The following ADAT2 variants were observed in gnomAD, a reference collection of about 807,000 sequenced individuals.
ADAT2 encodes the protein tRNA-specific adenosine-34 deaminase catalytic subunit ADAT2.
A neutral mutation model predicts 25.9 loss-of-function variants in ADAT2; 26 were observed. The ratio of observed to expected loss-of-function variants is 1.00; its 90% CI spans 0.74 to 1.39. The LOEUF is 1.39. Ranked by LOEUF, ADAT2 falls within the 40% of genes most tolerant of loss-of-function variation. ADAT2 has a pLI of 0.00. For missense variants in ADAT2, 220 were observed against 244.8 expected (o/e 0.90, Z 0.68); for synonymous variants, 76 against 86.8 (o/e 0.88, Z 0.69).
chr6:143,439,309 C>T (rs1779386917), intron 1 of ADAT2, among the ~76,000 whole-genome samples: 1 of 141,242 alleles, frequency 7.1e-6, no homozygotes, highest in Non-Finnish European at 1.5e-5. Context: ...AACAAAATTC[C>T]ACTCCTAAGT....
intron 2 of ADAT2, among the ~76,000 whole-genome samples, chr6:143,435,038 G>A (rs1779227824): frequency 6.6e-6 from 1 of 151,842 alleles, no homozygotes; most frequent in East Asian, 1.9e-4. Context: ...GAGGCAGATG[G>A]GAGCAGAGCT....
Position 143,426,884 on chromosome 6 carries a change from A to G in ADAT2, c.*1579T>C, listed in dbSNP as rs1413141896. On this transcript the variant is annotated 3_prime_UTR_variant, in exon 6 of 6. Transcript: ENST00000237283. The surrounding 1 kb of genome is among the most constrained non-coding windows in gnomAD (Gnocchi z 4.1). ...TACAAATAATCCCCAAGAAAATGAT[A>G]TGAACACAATAAATGCAATGAAATC... The G allele has an allele frequency of 6.6e-6, 1 of 152,230 alleles. No homozygotes were observed. 9.4% of individuals were successfully genotyped at this position (152,230 alleles called of 1,614,324 possible). A position where few individuals can be genotyped will look rare whatever the true frequency, so the allele number is the denominator to read the frequency against.
chr6:143,430,550 A>G (rs1459912530), intron 4 of ADAT2, among the ~76,000 whole-genome samples: 1 of 150,270 alleles, frequency 6.7e-6, no homozygotes. Flanking sequence ...GGTGTTAATA[A>G]AAAGCAAACA....
intron 3 of ADAT2, 48 bp downstream of exon 3, chr6:143,433,783 T>C (rs111372128): frequency 3.2e-6 from 5 of 1,552,144 alleles, no homozygotes; most frequent in African/African-American, 2.7e-5. Context: ...GCCACTCTCT[T>C]GTTCACACGA....
chr6:143,438,551 C>T (rs1241915025), intron 2 of ADAT2, 39 bp downstream of exon 2: 2 of 1,495,676 alleles, frequency 1.3e-6, no homozygotes, highest in Non-Finnish European at 9.3e-7. Flanking sequence ...CCACCCATCA[C>T]TACTGTATGT....
In ADAT2 at chr6:143,448,239, C is replaced by T. The variant is rs1000174634; in HGVS notation, c.96+2324G>A. Among the ~76,000 whole-genome samples the T allele has an allele frequency of 6.0e-4, 91 of 150,592 alleles. 3 individuals carry two copies. The highest frequency in any genetic ancestry group is 2.0e-4 in the East Asian group (1 of 5,088). On this transcript the variant is annotated intron_variant, in intron 1 of 5. Coordinates refer to ENST00000237283, the MANE Select transcript of ADAT2 (RefSeq NM_182503.3). ...ACACAGGGTGGGGAACATCACACAC[C>T]GGGGCCTGTCATGGGGTTGGGGGGA...
At position 143,441,699 on chromosome 6, in the gene ADAT2, G is replaced by A. The variant is rs541729303; in HGVS notation, c.97-3005C>T. ...AATACCAGGGATTCAATTTCAACAT[G>A]AAATTTGGAGGCGACAAATATCCAA... On this transcript the variant is annotated intron_variant, in intron 1 of 5. Transcript: ENST00000237283. 6 of 152,282 alleles carry A rather than the reference G, an allele frequency of 3.9e-5. No homozygotes were observed. In the South Asian group the frequency reaches 1.0e-3, roughly 26 times the overall value. 9.4% of individuals were successfully genotyped at this position (152,282 alleles called of 1,614,324 possible). A position where few individuals can be genotyped will look rare whatever the true frequency, so the allele number is the denominator to read the frequency against.
rs2128741668 is a variant in ADAT2 at position 143,437,912 on chromosome 6, T to C, written c.201+678A>G. ...CCCAAGTATACTTATCATGACACACTATTGTGATACCATGTTTAAGAAGCA... is the reference window on the plus strand; with the variant it reads ...CCCAAGTATACTTATCATGACACACCATTGTGATACCATGTTTAAGAAGCA... On this transcript the variant is annotated intron_variant, in intron 2 of 5. Transcript: ENST00000237283. The surrounding 1 kb of genome is among the most constrained non-coding windows in gnomAD (Gnocchi z 4.1). 1.3e-5 allele frequency among the ~76,000 whole-genome samples: 2 copies of C among 152,338 alleles called. No homozygotes were observed. The highest frequency in any genetic ancestry group is 4.1e-4 in the South Asian group (2 of 4,832).
rs1583980682 is a variant in ADAT2, at chr6:143,436,964, T to A, written c.201+1626A>T. On this transcript the variant is annotated intron_variant, in intron 2 of 5. Transcript: ENST00000237283. This position sits in a 1 kb window ranked among gnomAD's most constrained non-coding sequence, Gnocchi z 4.1. ...ATTAAAAAGTTGTCTTTTTCAAGAA[T>A]TCAAAGGACAAAGAATTTTGTGAAA... Among the ~76,000 whole-genome samples the A allele has an allele frequency of 1.3e-5, 2 of 152,334 alleles. No individual in the cohort carries two copies. Among genetic ancestry groups the A allele is most frequent in the South Asian group, 4.1e-4 (2 of 4,830 alleles).
intron 2 of ADAT2, 50 bp downstream of exon 2, chr6:143,438,540 T>A (rs1478808613): frequency 1.4e-6 from 2 of 1,428,200 alleles, no homozygotes; most frequent in Non-Finnish European, 2.0e-6. Context: ...TTCTCTCCAG[T>A]CCACCCATCA....
chr6:143,427,136 A>ACACAC lies in ADAT2; in HGVS notation c.*1326_*1327insGTGTG, dbSNP rs1554277479. Reference sequence around the variant, plus strand: ...ACACACACACACACACACACACACAAAACCAAGCAATTATAAGTCCTCTGA... The same window carrying ACACAC: ...ACACACACACACACACACACACACAACACACAACCAAGCAATTATAAGTCCTCTGA... On this transcript the variant is annotated 3_prime_UTR_variant, in exon 6 of 6. Coordinates refer to ENST00000237283, the MANE Select transcript of ADAT2 (RefSeq NM_182503.3). The ACACAC allele has an allele frequency of 2.1e-4, 14 of 65,658 alleles. No homozygotes were observed. Among genetic ancestry groups the ACACAC allele is most frequent in the African/African-American group, 5.6e-4 (11 of 19,484 alleles). 4.1% of individuals were successfully genotyped at this position (65,658 alleles called of 1,614,324 possible).
chr6:143,438,590 AT>A lies in ADAT2; in HGVS notation c.200del (p.Asn67MetfsTer50). ...CAATTATACTGCTCAACTCACATAC[AT>A]TTTTGGTTTGGTTAACTTCATTTCT... The part of the protein sequence containing the change: ...KGRNEVNQTK[N>X]ATRHAEMVAI... On this transcript the variant is annotated frameshift_variant and splice_region_variant, in exon 2 of 6. Transcript: ENST00000237283. LOFTEE classifies it high-confidence loss of function. 1.2e-6 allele frequency: 2 copies of A among 1,608,608 alleles called. No individual in the cohort carries two copies. Among genetic ancestry groups the A allele is most frequent in the Non-Finnish European group, 1.7e-6 (2 of 1,175,224 alleles).
Position 143,436,447 on chromosome 6 carries a change from G to T in ADAT2, c.201+2143C>A. The T allele has an allele frequency of 3.8e-6, 1 of 266,380 alleles. No individual in the cohort carries two copies. 16.5% of individuals were successfully genotyped at this position (266,380 alleles called of 1,614,324 possible). On this transcript the variant is annotated intron_variant, in intron 2 of 5. Transcript: ENST00000237283. This position sits in a 1 kb window ranked among gnomAD's most constrained non-coding sequence, Gnocchi z 4.1. ...AACAGCTTTCTGGGACATCCCATCC[G>T]CAGGACTAAAAACGTCCACCACTTT... is the stretch of plus-strand genomic sequence containing the variant.
chr6:143,450,673 C>G lies in ADAT2; in HGVS notation c.-15G>C. 1 of 1,612,334 alleles carries G rather than the reference C, an allele frequency of 6.2e-7. No homozygotes were observed. ...TTCGCCTCCATACCCAGCCACCACTCAGCTACAGAGCCCGCGGCAGAGGAG... is the reference window on the plus strand; with the variant it reads ...TTCGCCTCCATACCCAGCCACCACTGAGCTACAGAGCCCGCGGCAGAGGAG... On this transcript the variant is annotated 5_prime_UTR_variant, in exon 1 of 6. Transcript: ENST00000237283.
At chr6:143,441,222 G>A in intron 1 of ADAT2, among the ~76,000 whole-genome samples, 1 of 152,134 alleles carries the variant, frequency 6.6e-6, no homozygotes, top group Admixed American at 6.6e-5. Context: ...ACTAATACAT[G>A]CAGCAAAGAG....
Position 143,443,151 on chromosome 6 carries a change from T to C in ADAT2, c.97-4457A>G, listed in dbSNP as rs201783637. Among the ~76,000 whole-genome samples, 64 of 56,250 alleles carry C rather than the reference T, an allele frequency of 1.1e-3. No individual in the cohort carries two copies. In the East Asian group the frequency reaches 0.036, roughly 32 times the overall value. 36.9% of individuals were successfully genotyped at this position (56,250 alleles called of 152,430 possible). ...ATGAGGAAACTGAGGCACAGGGAGA[T>C]TTTTTTTTATACATGTATATATCTC... On this transcript the variant is annotated intron_variant, in intron 1 of 5. Transcript: ENST00000237283.
At chr6:143,447,265 CAT>C (rs1221293294) in intron 1 of ADAT2, among the ~76,000 whole-genome samples, 4 of 152,088 alleles carry the variant, frequency 2.6e-5, no homozygotes, top group Non-Finnish European at 5.9e-5. Context: ...TAAATAGACA[CAT>C]GTGGTTAGTG....
At position 143,436,681 on chromosome 6, in the gene ADAT2, G is replaced by A. The variant is rs1779294229; in HGVS notation, c.201+1909C>T. On this transcript the variant is annotated intron_variant, in intron 2 of 5. Coordinates refer to ENST00000237283, the MANE Select transcript of ADAT2 (RefSeq NM_182503.3). The surrounding 1 kb of genome is among the most constrained non-coding windows in gnomAD (Gnocchi z 4.1). ...CACTGTTGAGGAGGAGGGAGAGTCT[G>A]AGGAGTGGACTGAGGAAATGGGGGC... is the stretch of plus-strand genomic sequence containing the variant. The A allele has an allele frequency of 6.6e-6, 2 of 303,226 alleles. No homozygotes were observed. Among genetic ancestry groups the A allele is most frequent in the South Asian group, 7.4e-5 (2 of 27,036 alleles). 18.8% of individuals were successfully genotyped at this position (303,226 alleles called of 1,614,324 possible). A position where few individuals can be genotyped will look rare whatever the true frequency, so the allele number is the denominator to read the frequency against.
chr6:143,435,151 A>C (rs777549943), intron 2 of ADAT2, among the ~76,000 whole-genome samples: 1 of 107,938 alleles, frequency 9.3e-6, no homozygotes, highest in Non-Finnish European at 2.1e-5. Flanking sequence ...AACTAAGTGG[A>C]GAGTTTAAAA....
Sources: allele counts gnomAD v4.1 joint callset (sites outside exome capture counted in the v4.1 genomes callset), GRCh38; gene constraint gnomAD v4.1.1; non-coding constraint Gnocchi (gnomAD v3.1); transcripts MANE v1.5; gene names NCBI Gene and HGNC (gene_info 2026-07-23, HGNC 2026-07-21).